PBX3: variants seen among roughly 807,000 people sequenced by gnomAD.
PBX3 encodes PBX homeobox 3.
PBX3 carries 14 observed loss-of-function variants against 48.5 expected under a neutral mutation model. That is an observed-to-expected ratio of 0.29 (90% CI 0.19 to 0.45). The LOEUF (loss-of-function observed/expected upper bound fraction) is 0.45, where lower values mean the gene tolerates loss of function less well. Ranked by LOEUF, PBX3 falls within the 20% of genes least tolerant of loss-of-function variation. PBX3 has a pLI of 1.00. For missense variants in PBX3, 386 were observed against 546.7 expected (o/e 0.71, Z 2.93); for synonymous variants, 210 against 200.3 (o/e 1.05, Z -0.41).
intron 2 of PBX3, among the ~76,000 whole-genome samples, chr9:125,840,005 T>C (rs1434013902): frequency 6.6e-6 from 1 of 152,172 alleles, no homozygotes; most frequent in Non-Finnish European, 1.5e-5. Flanking sequence ...TGAGGAGCAC[T>C]ATGGACAGTG....
intron 1 of PBX3, 139 bp downstream of exon 1, chr9:125,747,792 C>T (rs1836238100): frequency 3.3e-6 from 2 of 607,718 alleles, no homozygotes; most frequent in Admixed American, 8.8e-5. Context: ...CCGCCCGCCC[C>T]GGCCTCGGGG....
intron 2 of PBX3, among the ~76,000 whole-genome samples, chr9:125,807,322 C>T (rs1228949930): frequency 4.6e-5 from 7 of 151,086 alleles, no homozygotes; most frequent in African/African-American, 1.7e-4. Context: ...GACAGTAAAA[C>T]TCTGACTCAA....
At chr9:125,838,288 G>A (rs369926879) in intron 2 of PBX3, among the ~76,000 whole-genome samples, 2 of 152,158 alleles carry the variant, frequency 1.3e-5, no homozygotes, top group Non-Finnish European at 1.5e-5. Flanking sequence ...TAGCTCAAGC[G>A]ATCCTCCAGT....
intron 2 of PBX3, among the ~76,000 whole-genome samples, chr9:125,904,200 A>G (rs1564166082): frequency 6.6e-6 from 1 of 151,876 alleles, no homozygotes; most frequent in Non-Finnish European, 1.5e-5. Context: ...GTACTTCATC[A>G]TAGAAAAACA....
At chr9:125,851,724 C>T (rs1839584884) in intron 2 of PBX3, among the ~76,000 whole-genome samples, 1 of 151,994 alleles carries the variant, frequency 6.6e-6, no homozygotes, top group African/African-American at 2.4e-5. Context: ...TATTTTTTCA[C>T]CTGAATTTCT....
At chr9:125,932,364 T>C (rs950434834) in intron 4 of PBX3, among the ~76,000 whole-genome samples, 9 of 152,244 alleles carry the variant, frequency 5.9e-5, no homozygotes, top group African/African-American at 2.2e-4. Context: ...CTGAAAGTCA[T>C]GTAGGCTCCT....
At position 125,823,660 on chromosome 9, in the gene PBX3, T is replaced by A. The variant is rs572391381; in HGVS notation, c.274+75037T>A. On this transcript the variant is annotated intron_variant, in intron 2 of 8. Transcript: ENST00000373489. ...TTTTAAAAAAAGAAAGAAAGAAAGATTAAAAAAGAATTCTGTATGTTTTTA... is the reference window on the plus strand; with the variant it reads ...TTTTAAAAAAAGAAAGAAAGAAAGAATAAAAAAGAATTCTGTATGTTTTTA... 2.0e-5 allele frequency among the ~76,000 whole-genome samples: 3 copies of A among 152,184 alleles called. No individual in the cohort carries two copies. The South Asian group carries it at 6.2e-4, about 32-fold the overall frequency.
intron 2 of PBX3, among the ~76,000 whole-genome samples, chr9:125,883,945 G>C (rs1187870412): frequency 6.6e-6 from 1 of 152,102 alleles, no homozygotes; most frequent in East Asian, 1.9e-4. Context: ...TGATAGATTC[G>C]CCTGCCTGAA....
chr9:125,899,454 T>TATAGAGAGAG (rs1377456112), intron 2 of PBX3, among the ~76,000 whole-genome samples: 13 of 103,768 alleles, frequency 1.3e-4, no homozygotes, highest in Admixed American at 4.1e-4. Flanking sequence ...TATATATATA[T>TATAGAGAGAG]AGAGAGAGAG....
At chr9:125,960,044 A>T (rs1439232425) in intron 5 of PBX3, among the ~76,000 whole-genome samples, 1 of 152,190 alleles carries the variant, frequency 6.6e-6, no homozygotes, top group Non-Finnish European at 1.5e-5. Context: ...AATATATTCC[A>T]CCTGATGACA....
rs554945068 is a variant in PBX3 at position 125,816,593 on chromosome 9, C to T, written c.274+67970C>T. Among the ~76,000 whole-genome samples the T allele has an allele frequency of 2.6e-5, 4 of 152,270 alleles. No homozygotes were observed. In the East Asian group the frequency reaches 7.7e-4, roughly 29 times the overall value. On this transcript the variant is annotated intron_variant, in intron 2 of 8. Coordinates refer to ENST00000373489, the MANE Select transcript of PBX3 (RefSeq NM_006195.6). ...TTAGAGCGGCTAAGTAAGGGATTTA[C>T]GGATGGTCACTTGCCTGAGTAAGTT...
intron 2 of PBX3, among the ~76,000 whole-genome samples, chr9:125,887,534 C>G (rs976854156): frequency 6.6e-6 from 1 of 152,098 alleles, no homozygotes; most frequent in African/African-American, 2.4e-5. Context: ...CTTTATGTTG[C>G]GTATGCACAA....
chr9:125,783,744 A>G (rs575558200), intron 2 of PBX3, among the ~76,000 whole-genome samples: 17 of 152,178 alleles, frequency 1.1e-4, no homozygotes, highest in African/African-American at 3.6e-4. Flanking sequence ...CATGCCTGTA[A>G]TCCCAGCACT....
intron 2 of PBX3, among the ~76,000 whole-genome samples, chr9:125,782,265 A>G (rs749591596): frequency 2.0e-5 from 3 of 152,142 alleles, no homozygotes; most frequent in Non-Finnish European, 4.4e-5. Context: ...TCAAACCATC[A>G]GATCTTGTGA....
At chr9:125,860,237 C>T (rs896817989) in intron 2 of PBX3, among the ~76,000 whole-genome samples, 1 of 152,168 alleles carries the variant, frequency 6.6e-6, no homozygotes, top group African/African-American at 2.4e-5. Context: ...TTTATCTGGT[C>T]AGCATTTAAA....
At position 125,806,134 on chromosome 9, in the gene PBX3, A is replaced by G. The variant is rs527923675; in HGVS notation, c.274+57511A>G. Among the ~76,000 whole-genome samples, 6 of 152,300 alleles carry G rather than the reference A, an allele frequency of 3.9e-5. No individual in the cohort carries two copies. In the South Asian group the frequency reaches 1.0e-3, roughly 26 times the overall value. On this transcript the variant is annotated intron_variant, in intron 2 of 8. Transcript: ENST00000373489. ...GAGACCAGCCTTACTTGAGAAGATGACTTTTGATCTCATATCTGAAGAAAG... is the reference window on the plus strand; with the variant it reads ...GAGACCAGCCTTACTTGAGAAGATGGCTTTTGATCTCATATCTGAAGAAAG...
intron 2 of PBX3, among the ~76,000 whole-genome samples, chr9:125,819,174 T>C (rs950682177): frequency 5.3e-5 from 8 of 152,202 alleles, no homozygotes; most frequent in African/African-American, 1.9e-4. Flanking sequence ...TAATGTATAA[T>C]TCCAAATCTA....
chr9:125,961,405 C>T (rs890399858), intron 6 of PBX3, among the ~76,000 whole-genome samples: 4 of 152,156 alleles, frequency 2.6e-5, no homozygotes, highest in Non-Finnish European at 4.4e-5. Flanking sequence ...GATCCTCGTC[C>T]GGTACATTTT....
intron 2 of PBX3, among the ~76,000 whole-genome samples, chr9:125,901,537 C>T (rs1312262560): frequency 6.6e-6 from 1 of 151,558 alleles, no homozygotes; most frequent in Non-Finnish European, 1.5e-5. Flanking sequence ...TAGTATAGTA[C>T]TGTGCATATA....
Sources: gnomAD v4.1 joint callset for allele counts (sites outside exome capture counted in the v4.1 genomes callset) on GRCh38, gnomAD v4.1.1 for gene constraint, MANE v1.5 for transcripts, NCBI Gene and HGNC (gene_info 2026-07-23, HGNC 2026-07-21) for gene names.